Variants in OBSL1 observed in about 807,000 individuals in gnomAD.
OBSL1 encodes obscurin like cytoskeletal adaptor 1.
A neutral mutation model predicts 172.0 loss-of-function variants in OBSL1; 160 were observed. The ratio of observed to expected loss-of-function variants is 0.93; its 90% CI spans 0.82 to 1.06. OBSL1 has a LOEUF of 1.06. Ranked by LOEUF, OBSL1 falls within the 50% of genes least tolerant of loss-of-function variation. The pLI is 0.00. For missense variants in OBSL1, 2,681 were observed against 2,715.4 expected (o/e 0.99, Z 0.28); for synonymous variants, 1,200 against 1,196.3 (o/e 1.00, Z -0.06).
At position 219,570,594 on chromosome 2, in the gene OBSL1, G is replaced by C; in HGVS notation, c.639C>G (p.Asn213Lys). ...CCCCCGCCTGCGCGTGGCCGTGCGC[G>C]TTGCGGGCGTGGCACACGTAGACGC... ...DSGVYVCHAR[N>K]AHGHAQAGAL... The change falls in exon 1 of 21, where the codon AAC (asparagine) becomes AAG (lysine). Residue 213 changes from asparagine to lysine, a missense_variant. Physicochemically the swap from Asn to Lys is moderately conservative, Grantham distance 94. Coordinates refer to ENST00000404537, the MANE Select transcript of OBSL1 (RefSeq NM_015311.3). 6.6e-7 allele frequency: 1 copy of C among 1,516,130 alleles called. No homozygotes were observed. The allele number at this position is 1,516,130 out of a possible 1,614,324, so 93.9% of individuals were successfully genotyped here.
At chr2:219,561,532 C>T (rs569354418) in intron 8 of OBSL1, among the ~76,000 whole-genome samples, 1 of 152,154 alleles carries the variant, frequency 6.6e-6, no homozygotes, top group Non-Finnish European at 1.5e-5. Context: ...AACCCATGCT[C>T]TAAGATCCTG....
rs1453655672 is a variant in OBSL1 at position 219,571,073 on chromosome 2, C to T, written c.160G>A (p.Ala54Thr). Reference protein sequence around the residue: ...VWEKGGQQLAASERLSFPADG... With the variant: ...VWEKGGQQLATSERLSFPADG... ...GCCGGGAAGCTCAGGCGTTCCGAGGCCGCCAGCTGCTGCCCGCCCTTCTCC... is the reference window on the plus strand; with the variant it reads ...GCCGGGAAGCTCAGGCGTTCCGAGGTCGCCAGCTGCTGCCCGCCCTTCTCC... Residue 54 changes from alanine (A) to threonine (T), a missense_variant, in exon 1 of 21, where the codon GCC becomes ACC. By Grantham distance (58) the Ala-to-Thr change is moderately conservative. Coordinates refer to ENST00000404537, the MANE Select transcript of OBSL1 (RefSeq NM_015311.3). 1 of 1,466,052 alleles carries T rather than the reference C, an allele frequency of 6.8e-7. No homozygotes were observed. Among genetic ancestry groups the T allele is most frequent in the Middle Eastern group, 1.8e-4 (1 of 5,592 alleles). 90.8% of individuals were successfully genotyped at this position (1,466,052 alleles called of 1,614,324 possible). A position where few individuals can be genotyped will look rare whatever the true frequency, so the allele number is the denominator to read the frequency against.
In OBSL1 at chr2:219,552,187, G is replaced by C; in HGVS notation, c.5338C>G (p.Leu1780Val). Residue 1780 changes from leucine to valine, a missense_variant, in exon 19 of 21, where the codon CTG becomes GTG. This residue lies in a region of OBSL1 where 1,765 missense variants were observed against 1,748.3 expected (regional missense o/e 1.01). Coordinates refer to ENST00000404537, the MANE Select transcript of OBSL1 (RefSeq NM_015311.3). ...ACTTCACCGGCGTCCTCGGCGCGCA[G>C]CTCGCTAAGCACCAGAATGTGTTTC... ...GKKHILVLSE[L>V]RAEDAGEVRF... is the part of the protein sequence containing the mutation. 6.2e-7 allele frequency: 1 copy of C among 1,609,570 alleles called. No individual in the cohort carries two copies. The highest frequency in any genetic ancestry group is 8.5e-7 in the Non-Finnish European group (1 of 1,178,428).
chr2:219,551,084 G>A, intron 20 of OBSL1: 1 of 1,414,804 alleles, frequency 7.1e-7, no homozygotes, highest in South Asian at 1.5e-5. Flanking sequence ...GTCTCTTATG[G>A]GGAAGAGGAA....
intron 7 of OBSL1, 106 bp from the exon 8 acceptor site, chr2:219,562,780 G>A: frequency 7.8e-7 from 1 of 1,276,164 alleles, no homozygotes; most frequent in South Asian, 1.5e-5. Context: ...GTGTTGAAGA[G>A]GGACCTTCCT....
At chr2:219,569,084 A>AG (rs1553538038) in intron 1 of OBSL1, 10 of 151,614 alleles carry the variant, frequency 6.6e-5, no homozygotes, top group African/African-American at 1.9e-4. Context: ...TCAAAAAAAA[A>AG]AAAAGAAAAG....
In OBSL1 at chr2:219,551,489, G is replaced by A. The variant is rs114860548; in HGVS notation, c.5683+40C>T. ...TGGCTTAACCCATCAGCTCCCAGGC[G>A]CCCTCACCCTCCTGCCGCTGCCCAG... On this transcript the variant is annotated intron_variant, in intron 20 of 20. Transcript: ENST00000404537. 8.4e-3 allele frequency: 12,864 copies of A among 1,534,324 alleles called. 836 individuals are homozygous for A. The African/African-American group carries it at 0.15, about 18-fold the overall frequency.
At chr2:219,563,765 G>T in intron 6 of OBSL1, 138 bp from the exon 7 acceptor site, 1 of 932,438 alleles carries the variant, frequency 1.1e-6, no homozygotes, top group Non-Finnish European at 1.6e-6. Context: ...GGGACTCAGG[G>T]ACAATGACAA....
In OBSL1 at chr2:219,557,755, C is replaced by T. The variant is rs977939201; in HGVS notation, c.3790+68G>A. ...AGGCATGCTGGAAAAGCAGGAATCCCGCAGAGTTTGGGGTGCCACTCTCAG... is the reference window on the plus strand; with the variant it reads ...AGGCATGCTGGAAAAGCAGGAATCCTGCAGAGTTTGGGGTGCCACTCTCAG... On this transcript the variant is annotated intron_variant, in intron 11 of 20. Coordinates refer to ENST00000404537, the MANE Select transcript of OBSL1 (RefSeq NM_015311.3). 6.6e-5 allele frequency: 102 copies of T among 1,551,074 alleles called. No individual in the cohort carries two copies. In the African/African-American group the frequency reaches 7.6e-4, roughly 12 times the overall value.
chr2:219,561,745 G>T (rs567443098), intron 8 of OBSL1: 74 of 653,454 alleles, frequency 1.1e-4, no homozygotes, highest in Non-Finnish European at 2.0e-4. Flanking sequence ...ATGTTTATTG[G>T]TTTAACACAG....
intron 8 of OBSL1, chr2:219,561,952 T>A: frequency 1.4e-6 from 1 of 717,576 alleles, no homozygotes; most frequent in Non-Finnish European, 2.6e-6. Flanking sequence ...TTCGGCTTTT[T>A]CAAGAGGACG....
rs73089113 is a variant in OBSL1, at chr2:219,563,242, G to T, written c.2680+113C>A. ...AAAGGGAGGAGGTCCGATCTGCCAG[G>T]GGGAGGGCAGTAGGGGCGGGGAACA... On this transcript the variant is annotated intron_variant, in intron 7 of 20. Coordinates refer to ENST00000404537, the MANE Select transcript of OBSL1 (RefSeq NM_015311.3). 25 of 1,117,298 alleles carry T rather than the reference G, an allele frequency of 2.2e-5. 1 individual carries two copies. The South Asian group carries it at 3.7e-4, about 17-fold the overall frequency. 69.2% of individuals were successfully genotyped at this position (1,117,298 alleles called of 1,614,324 possible).
chr2:219,550,882 G>A (rs1467066087), intron 20 of OBSL1, 40 bp from the exon 21 acceptor site: 3 of 1,604,540 alleles, frequency 1.9e-6, no homozygotes, highest in Non-Finnish European at 2.6e-6. Context: ...GGGAGAGAAG[G>A]GGGTACCACC....
rs912563390 is a variant in OBSL1 at position 219,552,875 on chromosome 2, G to A, written c.5139C>T (p.Thr1713=). ...GTARAGPVRL[T]VRERTVAVLS... is the part of the protein sequence containing the mutation. ...ACATCACCCCGTACCCACCGCGCACGGTCAGGCGGACCGGTCCGGCGCGGG... is the reference window on the plus strand; with the variant it reads ...ACATCACCCCGTACCCACCGCGCACAGTCAGGCGGACCGGTCCGGCGCGGG... The change falls in exon 17 of 21, where the codon ACC becomes ACT. Residue 1713 remains threonine, a synonymous_variant. Transcript: ENST00000404537. The A allele has an allele frequency of 2.6e-6, 4 of 1,542,584 alleles. No homozygotes were observed. Among genetic ancestry groups the A allele is most frequent in the African/African-American group, 1.4e-5 (1 of 72,250 alleles).
rs747360337 is a variant in OBSL1, at chr2:219,558,198, T to A, written c.3488A>T (p.Asn1163Ile). ...GGAGCACCCACCAGCCAGGATGACA[T>A]TGAAGGTGATGGCCTCATGCCGGGT... ...CETRHEAITFNVILAEPPVQF... is the reference protein window; with the variant it reads ...CETRHEAITFIVILAEPPVQF... The change falls in exon 10 of 21, where the codon AAT (asparagine) becomes ATT (isoleucine). Residue 1163 changes from asparagine (N) to isoleucine (I), a missense_variant. By Grantham distance (149) the Asn-to-Ile change is moderately radical (BLOSUM62 -3). Around this residue, in one of 5 missense-constraint regions of OBSL1, gnomAD observed 1,765 missense variants for 1,748.3 expected, o/e 1.01. Transcript: ENST00000404537. 11 of 1,608,412 alleles carry A rather than the reference T, an allele frequency of 6.8e-6. No individual in the cohort carries two copies. The Admixed American group carries it at 1.8e-4, about 27-fold the overall frequency.
At position 219,567,846 on chromosome 2, in the gene OBSL1, G is replaced by T; in HGVS notation, c.1406C>A (p.Pro469Gln). The T allele has an allele frequency of 6.2e-7, 1 of 1,613,918 alleles. No homozygotes were observed. The highest frequency in any genetic ancestry group is 8.5e-7 in the Non-Finnish European group (1 of 1,179,880). Residue 469 changes from proline (P) to glutamine (Q), a missense_variant, in exon 3 of 21, where the codon CCG (proline) becomes CAG (glutamine). Transcript: ENST00000404537. ...GRWSRDGEEL[P>Q]VICQSSSGHM... ...GCCTGAGCTGCTCTGGCAGATGACC[G>T]GCAGCTCCTCCCCATCACGGCTCCA...
At chr2:219,562,068 G>T (rs996794169) in intron 8 of OBSL1, 1 of 708,102 alleles carries the variant, frequency 1.4e-6, no homozygotes, top group Non-Finnish European at 2.6e-6. Context: ...ACCCGTTTGC[G>T]ACCCCTGGTT....
At chr2:219,561,419 A>ACACCC (rs1170998561) in intron 8 of OBSL1, among the ~76,000 whole-genome samples, 1 of 151,924 alleles carries the variant, frequency 6.6e-6, no homozygotes, top group Non-Finnish European at 1.5e-5. Context: ...ATATTCCCCC[A>ACACCC]CACCCCACCC....
intron 18 of OBSL1, 139 bp from the exon 19 acceptor site, chr2:219,552,355 C>A: frequency 1.1e-6 from 1 of 914,678 alleles, no homozygotes; most frequent in Non-Finnish European, 1.6e-6. Flanking sequence ...GGATGCGGAG[C>A]GGGAAGCCTA....
Sources: gnomAD v4.1 joint callset for allele counts (sites outside exome capture counted in the v4.1 genomes callset) on GRCh38, gnomAD v4.1.1 for gene constraint, gnomAD v4.1.1 regional missense constraint, MANE v1.5 for transcripts, NCBI Gene and HGNC (gene_info 2026-07-23, HGNC 2026-07-21) for gene names.